Variants in MLPH observed in about 807,000 individuals in gnomAD.
MLPH encodes melanophilin.
A neutral mutation model predicts 72.1 loss-of-function variants in MLPH; 51 were observed. That is an observed-to-expected ratio of 0.71 (90% confidence interval 0.56 to 0.89). The LOEUF is 0.89. MLPH is among the 40% of genes least tolerant of loss of function. MLPH has a pLI of 0.00. For synonymous variants in MLPH, 301 were observed against 310.1 expected (o/e 0.97, Z 0.31); for missense variants, 743 against 759.9 (o/e 0.98, Z 0.26).
chr2:237,527,830 C>A, intron 8 of MLPH: 1 of 422,584 alleles, frequency 2.4e-6, no homozygotes, highest in Non-Finnish European at 4.4e-6. Context: ...TTTGCAACCC[C>A]GTATCCATAG....
intron 6 of MLPH, among the ~76,000 whole-genome samples, chr2:237,520,920 G>A (rs2080169008): frequency 6.6e-6 from 1 of 152,194 alleles, no homozygotes; most frequent in African/African-American, 2.4e-5. Context: ...TAGTATGTTG[G>A]AGAAGTTAAA....
At chr2:237,498,968 CT>C (rs1247057856) in intron 2 of MLPH, among the ~76,000 whole-genome samples, 1 of 152,038 alleles carries the variant, frequency 6.6e-6, no homozygotes, top group African/African-American at 2.4e-5. Flanking sequence ...TCTGCTTGTC[CT>C]GGGTGTAACT....
intron 14 of MLPH, among the ~76,000 whole-genome samples, chr2:237,551,270 A>C (rs1051116582): frequency 1.3e-5 from 2 of 152,236 alleles, no homozygotes; most frequent in Non-Finnish European, 2.9e-5. Context: ...CCGGCAGGCC[A>C]GGCCACATGA....
chr2:237,546,360 A>G, intron 12 of MLPH: 1 of 541,336 alleles, frequency 1.8e-6, no homozygotes, highest in South Asian at 2.0e-5. Flanking sequence ...TGGAGTCTCA[A>G]GATTTGTTTT....
At chr2:237,551,066 T>C (rs1046412532) in intron 14 of MLPH, among the ~76,000 whole-genome samples, 13 of 152,252 alleles carry the variant, frequency 8.5e-5, no homozygotes, top group African/African-American at 2.9e-4. Context: ...CCCGCCATCC[T>C]CACCAGCATC....
At chr2:237,534,514 G>A (rs771608593) in intron 8 of MLPH, 50 bp from the exon 9 acceptor site, 1 of 1,485,276 alleles carries the variant, frequency 6.7e-7, no homozygotes, top group East Asian at 2.3e-5. Context: ...TGTCTTGCTG[G>A]TTGGAGTGCA....
chr2:237,516,894 TGGTA>T (rs1273259902), intron 4 of MLPH, among the ~76,000 whole-genome samples: 7 of 129,212 alleles, frequency 5.4e-5, no homozygotes, highest in Admixed American at 1.5e-4. Context: ...GTAGGATGGA[TGGTA>T]GGATGGATGG....
At position 237,546,825 on chromosome 2, in the gene MLPH, A is replaced by C. The variant is rs145621127; in HGVS notation, c.1617+142A>C. On this transcript the variant is annotated intron_variant, in intron 13 of 15. Coordinates refer to ENST00000264605, the MANE Select transcript of MLPH (RefSeq NM_024101.7). Reference sequence around the variant, plus strand: ...ACACAGCAATGCCCACACAGCTGCCACAACACCGTGGCAACTCTTGTGAGT... The same window carrying C: ...ACACAGCAATGCCCACACAGCTGCCCCAACACCGTGGCAACTCTTGTGAGT... The C allele has an allele frequency of 1.3e-3, 1,014 of 756,974 alleles. 9 individuals are homozygous for C. In the African/African-American group the frequency reaches 0.016, roughly 12 times the overall value. 46.9% of individuals were successfully genotyped at this position (756,974 alleles called of 1,614,324 possible).
intron 12 of MLPH, chr2:237,546,345 G>T (rs1306199983): frequency 1.6e-5 from 8 of 510,348 alleles, no homozygotes; most frequent in Non-Finnish European, 2.5e-5. Context: ...TTAGCTTGGT[G>T]ATTGTGGAGT....
chr2:237,496,459 A>G (rs1330535754), intron 2 of MLPH, among the ~76,000 whole-genome samples: 2 of 152,050 alleles, frequency 1.3e-5, no homozygotes, highest in East Asian at 3.9e-4. Flanking sequence ...TGCTCTTTTC[A>G]TCATTTCACA....
chr2:237,498,377 C>T (rs143780437), intron 2 of MLPH, among the ~76,000 whole-genome samples: 8 of 152,308 alleles, frequency 5.3e-5, no homozygotes, highest in African/African-American at 1.9e-4. Flanking sequence ...CTGGAGGTGA[C>T]GCCTGCGCCT....
Position 237,527,578 on chromosome 2 carries a change from A to G in MLPH, c.1020+62A>G, listed in dbSNP as rs1170201554. On this transcript the variant is annotated intron_variant, in intron 8 of 15. Coordinates refer to ENST00000264605, the MANE Select transcript of MLPH (RefSeq NM_024101.7). The stretch of plus-strand genomic sequence containing the variant: ...CTTTGGGTGGAGTCTTTTTACCTCC[A>G]CACCAAGTCACTTTAGAGAAATTAC... The G allele has an allele frequency of 6.2e-6, 10 of 1,600,870 alleles. No individual in the cohort carries two copies. In the East Asian group the frequency reaches 1.8e-4, roughly 29 times the overall value.
intron 2 of MLPH, among the ~76,000 whole-genome samples, chr2:237,502,799 G>A (rs1574840512): frequency 6.6e-6 from 1 of 152,250 alleles, no homozygotes; most frequent in East Asian, 1.9e-4. Context: ...TATGAGACAC[G>A]GGCAAACCGT....
At chr2:237,539,841 G>A (rs2080628186) in intron 9 of MLPH, among the ~76,000 whole-genome samples, 3 of 152,206 alleles carry the variant, frequency 2.0e-5, no homozygotes, top group Non-Finnish European at 4.4e-5. Flanking sequence ...AGTGGCTGCT[G>A]TTATGTGATC....
chr2:237,491,716 C>A (rs575707863), intron 1 of MLPH, among the ~76,000 whole-genome samples: 81 of 152,292 alleles, frequency 5.3e-4, no homozygotes, highest in African/African-American at 1.9e-3. Flanking sequence ...GTGAAGTTCT[C>A]CCTGGTACAA....
intron 12 of MLPH, among the ~76,000 whole-genome samples, chr2:237,543,109 T>A: frequency 4.9e-5 from 2 of 41,176 alleles, no homozygotes; most frequent in Non-Finnish European, 8.7e-5. Context: ...CAGTGGTGAG[T>A]GGGGGTACAG....
chr2:237,491,405 A>C (rs2106449647), intron 1 of MLPH, among the ~76,000 whole-genome samples: 1 of 152,330 alleles, frequency 6.6e-6, no homozygotes, highest in African/African-American at 2.4e-5. Flanking sequence ...CAGTGCCCAG[A>C]GCAGAGCTGG....
At position 237,499,227 on chromosome 2, in the gene MLPH, T is replaced by C. The variant is rs1366950408; in HGVS notation, c.110+5691T>C. 3.3e-5 allele frequency among the ~76,000 whole-genome samples: 5 copies of C among 152,232 alleles called. No individual in the cohort carries two copies. The East Asian group carries it at 9.6e-4, about 29-fold the overall frequency. ...ATTGATGAAGATAAAGAAAAATATA[T>C]ACATAGCCCTGTTAAATCATCATAT... On this transcript the variant is annotated intron_variant, in intron 2 of 15. Transcript: ENST00000264605.
At chr2:237,497,737 G>A (rs2079564377) in intron 2 of MLPH, among the ~76,000 whole-genome samples, 1 of 152,212 alleles carries the variant, frequency 6.6e-6, no homozygotes, top group Admixed American at 6.5e-5. Flanking sequence ...TTTCATCATT[G>A]CTAATCTGTG....
Sources: allele counts gnomAD v4.1 joint callset (sites outside exome capture counted in the v4.1 genomes callset), GRCh38; gene constraint gnomAD v4.1.1; transcripts MANE v1.5; gene names NCBI Gene and HGNC (gene_info 2026-07-23, HGNC 2026-07-21).